The following MAP3K20 variants were observed in gnomAD, a reference collection of about 807,000 sequenced individuals.
MAP3K20 encodes the protein mitogen-activated protein kinase kinase kinase 20.
MAP3K20 carries 40 observed loss-of-function variants against 85.7 expected under a neutral mutation model. That is an observed-to-expected ratio of 0.47 (90% CI 0.36 to 0.61). MAP3K20 has a LOEUF of 0.61. Ranked by LOEUF, MAP3K20 falls within the 20% of genes least tolerant of loss-of-function variation. The pLI, the probability that MAP3K20 is intolerant of heterozygous loss-of-function variation, is 0.00. For missense variants in MAP3K20, 817 were observed against 961.7 expected (o/e 0.85, Z 1.99); for synonymous variants, 325 against 327.7 (o/e 0.99, Z 0.09).
At chr2:173,262,500 T>C (rs1685320580) in intron 18 of MAP3K20, among the ~76,000 whole-genome samples, 1 of 151,752 alleles carries the variant, frequency 6.6e-6, no homozygotes, top group South Asian at 2.1e-4. Flanking sequence ...CTCAGGAGGC[T>C]GAGGCAGGAG....
At chr2:173,193,568 C>G (rs1021060832) in intron 7 of MAP3K20, among the ~76,000 whole-genome samples, 1 of 152,132 alleles carries the variant, frequency 6.6e-6, no homozygotes, top group African/African-American at 2.4e-5. Flanking sequence ...AGCACAAATT[C>G]CTTTTCACAC....
At chr2:173,161,799 TA>T (rs1264803768) in intron 2 of MAP3K20, among the ~76,000 whole-genome samples, 9 of 152,242 alleles carry the variant, frequency 5.9e-5, no homozygotes, top group African/African-American at 1.9e-4. Context: ...TCTGTAAGAG[TA>T]ACCTGAATGA....
At chr2:173,097,999 A>T (rs1403201174) in intron 2 of MAP3K20, among the ~76,000 whole-genome samples, 2 of 152,166 alleles carry the variant, frequency 1.3e-5, no homozygotes, top group Non-Finnish European at 2.9e-5. Context: ...CTAACTTTTT[A>T]TTAATAAATT....
At chr2:173,097,192 C>T (rs1452052523) in intron 2 of MAP3K20, among the ~76,000 whole-genome samples, 1 of 152,080 alleles carries the variant, frequency 6.6e-6, no homozygotes, top group African/African-American at 2.4e-5. Context: ...CCCGTCTCTA[C>T]TAAAAATACA....
chr2:173,102,578 T>C (rs1687666898), intron 2 of MAP3K20, among the ~76,000 whole-genome samples: 2 of 152,194 alleles, frequency 1.3e-5, no homozygotes, highest in South Asian at 2.1e-4. Flanking sequence ...CTCTTATCCC[T>C]GATACTGTTC....
intron 2 of MAP3K20, among the ~76,000 whole-genome samples, chr2:173,099,725 A>G (rs1439143876): frequency 6.6e-6 from 1 of 152,186 alleles, no homozygotes; most frequent in African/African-American, 2.4e-5. Context: ...TTTATACCAC[A>G]TAATACCCAT....
intron 11 of MAP3K20, chr2:173,223,803 A>G (rs1684315971): frequency 1.0e-6 from 1 of 985,330 alleles, no homozygotes; most frequent in Admixed American, 6.1e-5. Flanking sequence ...GTGCTCAGAC[A>G]TAGAGAAGTA....
At chr2:173,255,413 T>C (rs77954303) in intron 16 of MAP3K20, among the ~76,000 whole-genome samples, 2,922 of 152,296 alleles carry the variant, frequency 0.019, 92 homozygotes, top group African/African-American at 0.066. Flanking sequence ...CAACCACGTA[T>C]TGGTCATGAA....
rs1558920553 is a variant in MAP3K20 at position 173,267,600 on chromosome 2, C to T, written c.*850C>T. On this transcript the variant is annotated 3_prime_UTR_variant, in exon 20 of 20. Coordinates refer to ENST00000375213, the MANE Select transcript of MAP3K20 (RefSeq NM_016653.3). ...AAATTGCCTAGATTTGTGGTTCTTT[C>T]TCTTCCTAAGTTCCCAGCGACTGCT... 1 of 152,158 alleles carries T rather than the reference C, an allele frequency of 6.6e-6. No individual in the cohort carries two copies. 9.4% of individuals were successfully genotyped at this position (152,158 alleles called of 1,614,324 possible).
At chr2:173,086,432 T>A (rs902694413) in intron 1 of MAP3K20, among the ~76,000 whole-genome samples, 2 of 152,220 alleles carry the variant, frequency 1.3e-5, no homozygotes, top group African/African-American at 4.8e-5. Context: ...GTTTTTCAGC[T>A]ACATCCATGA....
intron 11 of MAP3K20, among the ~76,000 whole-genome samples, chr2:173,218,359 A>T (rs1215124470): frequency 1.3e-5 from 2 of 152,226 alleles, no homozygotes; most frequent in Non-Finnish European, 2.9e-5. Context: ...TCAACTTGGA[A>T]AAAAAGGACT....
intron 8 of MAP3K20, among the ~76,000 whole-genome samples, chr2:173,200,402 C>A (rs1691009926): frequency 6.6e-6 from 1 of 152,048 alleles, no homozygotes; most frequent in Non-Finnish European, 1.5e-5. Flanking sequence ...ACTTCTAATT[C>A]TTTTACTGTA....
intron 7 of MAP3K20, 136 bp downstream of exon 7, chr2:173,191,313 T>C (rs1014845573): frequency 1.2e-5 from 14 of 1,216,236 alleles, no homozygotes; most frequent in South Asian, 3.6e-5. Flanking sequence ...AGCAGCACCA[T>C]TGGAGAACGC....
chr2:173,107,870 A>G (rs1177155368), intron 2 of MAP3K20, among the ~76,000 whole-genome samples: 2 of 152,190 alleles, frequency 1.3e-5, no homozygotes, highest in Non-Finnish European at 2.9e-5. Context: ...GGTTAGGGCT[A>G]TGATTTCAGC....
intron 11 of MAP3K20, chr2:173,226,224 C>T: frequency 1.0e-6 from 1 of 985,302 alleles, no homozygotes; most frequent in Non-Finnish European, 1.2e-6. Flanking sequence ...TCCAGAATGA[C>T]CTCCCAGAAT....
chr2:173,176,277 GT>G (rs1472792596), intron 3 of MAP3K20, among the ~76,000 whole-genome samples: 5 of 151,610 alleles, frequency 3.3e-5, no homozygotes, highest in Non-Finnish European at 7.4e-5. Flanking sequence ...TCAACTTATG[GT>G]TTTTCTACCT....
At chr2:173,108,278 A>G (rs1040885854) in intron 2 of MAP3K20, among the ~76,000 whole-genome samples, 1 of 152,034 alleles carries the variant, frequency 6.6e-6, no homozygotes, top group Non-Finnish European at 1.5e-5. Flanking sequence ...GATTACAGGC[A>G]TGTGTCACCA....
At chr2:173,240,678 A>G (rs2106338607) in intron 16 of MAP3K20, among the ~76,000 whole-genome samples, 1 of 152,376 alleles carries the variant, frequency 6.6e-6, no homozygotes, top group South Asian at 2.1e-4. Flanking sequence ...AAGACAGGCA[A>G]TAATGAATGC....
At chr2:173,109,586 A>G (rs1377551012) in intron 2 of MAP3K20, among the ~76,000 whole-genome samples, 1 of 152,102 alleles carries the variant, frequency 6.6e-6, no homozygotes, top group Non-Finnish European at 1.5e-5. Context: ...AGAACTGTGT[A>G]TAAAGAAAGA....
Sources: gnomAD v4.1 joint callset for allele counts (sites outside exome capture counted in the v4.1 genomes callset) on GRCh38, gnomAD v4.1.1 for gene constraint, MANE v1.5 for transcripts, NCBI Gene and HGNC (gene_info 2026-07-23, HGNC 2026-07-21) for gene names.